Variants in PIK3C2G observed in about 807,000 individuals in gnomAD.
PIK3C2G encodes the protein phosphatidylinositol-4-phosphate 3-kinase catalytic subunit type 2 gamma.
Under a neutral mutation model 181.1 loss-of-function variants are expected in PIK3C2G, and 168 were observed. The observed-to-expected ratio is 0.93, with a 90% CI of 0.82 to 1.05. The LOEUF is 1.05. Ranked by LOEUF, PIK3C2G falls within the 50% of genes least tolerant of loss-of-function variation. The pLI, the probability that PIK3C2G is intolerant of heterozygous loss-of-function variation, is 0.00. For synonymous variants in PIK3C2G, 573 were observed against 592.2 expected, an observed-to-expected ratio of 0.97 and a Z score of 0.47; for missense variants, 1,869 against 1,732.8, an observed-to-expected ratio of 1.08 and a Z score of -1.40.
the PIK3C2G span, among the ~76,000 whole-genome samples, chr12:18,725,083 A>G: frequency 6.6e-6 from 1 of 152,172 alleles, no homozygotes; most frequent in East Asian, 1.9e-4. Flanking sequence ...GAATCACTAT[A>G]GTTGATCAAA....
intron 11 of PIK3C2G, among the ~76,000 whole-genome samples, chr12:18,351,430 T>C (rs1277053609): frequency 6.6e-6 from 1 of 152,148 alleles, no homozygotes; most frequent in Non-Finnish European, 1.5e-5. Context: ...TCTACCAGCA[T>C]TCTGGTAGAA....
rs184424518 is a variant in PIK3C2G at position 18,355,186 on chromosome 12, C to T, written c.1626-7578C>T. On this transcript the variant is annotated intron_variant, in intron 11 of 32. Transcript: ENST00000538779. ...TCAGATCTGGTTTTCCTTCCTAAGGCCTTAACCTGAAGCTTGGAATCAGGT... is the reference window on the plus strand; with the variant it reads ...TCAGATCTGGTTTTCCTTCCTAAGGTCTTAACCTGAAGCTTGGAATCAGGT... Among the ~76,000 whole-genome samples the T allele has an allele frequency of 2.6e-5, 4 of 152,282 alleles. No homozygotes were observed. The East Asian group carries it at 7.7e-4, about 29-fold the overall frequency.
At chr12:18,326,373 T>A (rs763503621) in intron 8 of PIK3C2G, among the ~76,000 whole-genome samples, 10 of 152,212 alleles carry the variant, frequency 6.6e-5, no homozygotes, top group Non-Finnish European at 1.3e-4. Flanking sequence ...AACAAGTGAC[T>A]TCTTTCTTTC....
At chr12:18,281,930 T>C (rs1434212536) in intron 1 of PIK3C2G, 74 bp from the exon 2 acceptor site, 3 of 591,270 alleles carry the variant, frequency 5.1e-6, no homozygotes, top group African/African-American at 3.8e-5. Context: ...TTATAGTTAT[T>C]TATCCTATAT....
At chr12:18,720,986 T>C in the PIK3C2G span, among the ~76,000 whole-genome samples, 1 of 151,948 alleles carries the variant, frequency 6.6e-6, no homozygotes. Context: ...TAGAAGAAAA[T>C]AAATGAAATT....
In PIK3C2G at chr12:18,423,803, T is replaced by TA. The variant is rs1213124543; in HGVS notation, c.2410-138dup. ...TTGTTATTAGTCATATACCGACTCA[T>TA]AAAATCATCGAATGTGTTATTAGCA... On this transcript the variant is annotated intron_variant, in intron 17 of 32. Coordinates refer to ENST00000538779, the MANE Select transcript of PIK3C2G (RefSeq NM_001288772.2). 6.5e-6 allele frequency: 4 copies of TA among 617,328 alleles called. No homozygotes were observed. The Admixed American group carries it at 1.0e-4, about 16-fold the overall frequency. The allele number at this position is 617,328 out of a possible 1,614,324, so 38.2% of individuals were successfully genotyped here.
At chr12:18,406,312 G>T (rs867650102) in intron 16 of PIK3C2G, among the ~76,000 whole-genome samples, 4 of 151,956 alleles carry the variant, frequency 2.6e-5, no homozygotes, top group Admixed American at 2.6e-4. Flanking sequence ...CTATATCTTG[G>T]CTATTGTAAA....
rs1159476284 is a variant in PIK3C2G at position 18,368,071 on chromosome 12, G to C, written c.1749-3109G>C. 7.9e-5 allele frequency among the ~76,000 whole-genome samples: 12 copies of C among 152,156 alleles called. No homozygotes were observed. The East Asian group carries it at 2.3e-3, about 30-fold the overall frequency. On this transcript the variant is annotated intron_variant, in intron 12 of 32. Transcript: ENST00000538779. ...TCACTATCATGAGAACAACATGGGG[G>C]AAACCGCTCCTGTGATCCAGTCACC...
At chr12:18,457,751 A>T (rs1947707187) in intron 18 of PIK3C2G, among the ~76,000 whole-genome samples, 1 of 152,170 alleles carries the variant, frequency 6.6e-6, no homozygotes, top group African/African-American at 2.4e-5. Context: ...TGATAGCCAT[A>T]GTAGAGTAAA....
intron 13 of PIK3C2G, among the ~76,000 whole-genome samples, chr12:18,372,321 C>T (rs1288575927): frequency 6.6e-6 from 1 of 151,980 alleles, no homozygotes; most frequent in African/African-American, 2.4e-5. Context: ...TCATATCTAT[C>T]ATCTAATGTA....
At position 18,423,996 on chromosome 12, in the gene PIK3C2G, C is replaced by T; in HGVS notation, c.2461C>T (p.His821Tyr). The T allele has an allele frequency of 6.2e-7, 1 of 1,611,736 alleles. No homozygotes were observed. The highest frequency in any genetic ancestry group is 1.3e-5 in the African/African-American group (1 of 74,998). The change falls in exon 18 of 33, where the codon CAC becomes TAC. Residue 821 changes from histidine to tyrosine, a missense_variant. Physicochemically the swap from His to Tyr is moderately conservative, Grantham distance 83 (BLOSUM62 2). Coordinates refer to ENST00000538779, the MANE Select transcript of PIK3C2G (RefSeq NM_001288772.2). Reference sequence around the variant, plus strand: ...GAGTCCTTTAGTGCAACTTCTACTCCACCGCTCCTTGCAGAGCATCCAGGT... The same window carrying T: ...GAGTCCTTTAGTGCAACTTCTACTCTACCGCTCCTTGCAGAGCATCCAGGT... ...LESPLVQLLL[H>Y]RSLQSIQVAH...
the PIK3C2G span, chr12:18,699,925 G>T: frequency 1.9e-6 from 3 of 1,611,320 alleles, no homozygotes; most frequent in South Asian, 1.1e-5. Context: ...ATCAGATAAG[G>T]CCAGAGCAAT....
chr12:18,725,042 A>G, the PIK3C2G span, among the ~76,000 whole-genome samples: 1 of 152,180 alleles, frequency 6.6e-6, no homozygotes, highest in Non-Finnish European at 1.5e-5. Context: ...AATTGGAGAT[A>G]TAAGTCCAAA....
intron 32 of PIK3C2G, among the ~76,000 whole-genome samples, chr12:18,644,649 T>C (rs1950022186): frequency 1.3e-5 from 2 of 152,124 alleles, no homozygotes; most frequent in African/African-American, 2.4e-5. Context: ...TATTGCAATT[T>C]CAACATGATG....
the PIK3C2G span, chr12:18,693,332 A>G: frequency 3.2e-6 from 5 of 1,539,078 alleles, no homozygotes; most frequent in Admixed American, 5.0e-5. Flanking sequence ...AGACCTATGC[A>G]GATACTGGGG....
At chr12:18,619,788 G>A (rs1330531877) in intron 31 of PIK3C2G, among the ~76,000 whole-genome samples, 4 of 148,030 alleles carry the variant, frequency 2.7e-5, no homozygotes, top group South Asian at 2.1e-4. Context: ...ATAGTGGCGC[G>A]ATCTCGGCTC....
the PIK3C2G span, among the ~76,000 whole-genome samples, chr12:18,678,702 A>G: frequency 3.4e-3 from 523 of 152,170 alleles, 2 homozygotes; most frequent in Non-Finnish European, 4.7e-3. Flanking sequence ...TTATTACATT[A>G]AATAGTATTG....
At chr12:18,711,510 T>G in the PIK3C2G span, among the ~76,000 whole-genome samples, 2 of 145,104 alleles carry the variant, frequency 1.4e-5, no homozygotes, top group African/African-American at 5.2e-5. Flanking sequence ...ATTGTGCACA[T>G]GTACCCTAAA....
chr12:18,701,238 G>T, the PIK3C2G span, among the ~76,000 whole-genome samples: 1 of 151,982 alleles, frequency 6.6e-6, no homozygotes, highest in Non-Finnish European at 1.5e-5. Flanking sequence ...GCCCACCTCA[G>T]CCTCCCAAAG....
Sources: gnomAD v4.1 joint callset for allele counts (sites outside exome capture counted in the v4.1 genomes callset) on GRCh38, gnomAD v4.1.1 for gene constraint, MANE v1.5 for transcripts, NCBI Gene and HGNC (gene_info 2026-07-23, HGNC 2026-07-21) for gene names.